RGS7: variants seen among roughly 807,000 people sequenced by gnomAD.
RGS7 encodes the protein regulator of G protein signaling 7.
A neutral mutation model predicts 81.1 loss-of-function variants in RGS7; 27 were observed. The observed-to-expected ratio is 0.33, with a 90% CI of 0.25 to 0.46. RGS7 has a LOEUF of 0.46. Ranked by LOEUF, RGS7 falls within the 20% of genes least tolerant of loss-of-function variation. The probability of loss-of-function intolerance (pLI) is 1.00; values close to 1 mark genes in which losing one functional copy is unlikely to be tolerated. For missense variants in RGS7, 396 were observed against 607.4 expected, an observed-to-expected ratio of 0.65 and a Z score of 3.66; for synonymous variants, 208 against 207.7, an observed-to-expected ratio of 1.00 and a Z score of -0.01.
chr1:241,165,212 A>G (rs1345543225), intron 2 of RGS7, among the ~76,000 whole-genome samples: 1 of 152,254 alleles, frequency 6.6e-6, no homozygotes, highest in Non-Finnish European at 1.5e-5. Flanking sequence ...TAGCATACAC[A>G]CATATGCATT....
intron 6 of RGS7, among the ~76,000 whole-genome samples, chr1:240,910,345 A>G (rs1480067778): frequency 6.6e-6 from 1 of 152,184 alleles, no homozygotes; most frequent in Non-Finnish European, 1.5e-5. Context: ...ACAGAAAGTT[A>G]AATAACGCAT....
intron 6 of RGS7, among the ~76,000 whole-genome samples, chr1:240,901,573 C>G (rs532247392): frequency 4.6e-5 from 7 of 152,296 alleles, no homozygotes; most frequent in South Asian, 2.1e-4. Flanking sequence ...TGACATCATA[C>G]TTACGCATAG....
intron 2 of RGS7, among the ~76,000 whole-genome samples, chr1:241,306,725 A>T (rs1333333186): frequency 6.6e-6 from 1 of 150,990 alleles, no homozygotes; most frequent in Non-Finnish European, 1.5e-5. Context: ...ATACCCTCAC[A>T]CACTTATGCA....
chr1:241,142,475 C>T (rs2067999917), intron 2 of RGS7, among the ~76,000 whole-genome samples: 1 of 152,228 alleles, frequency 6.6e-6, no homozygotes, highest in Non-Finnish European at 1.5e-5. Context: ...TTCTTGACTT[C>T]TGTGCACTCT....
At chr1:240,792,560 C>A (rs192176913) in intron 18 of RGS7, among the ~76,000 whole-genome samples, 30 of 152,172 alleles carry the variant, frequency 2.0e-4, no homozygotes, top group African/African-American at 7.0e-4. Flanking sequence ...TTTGCTCTGT[C>A]TCTCTCTCTC....
At chr1:240,992,080 G>T (rs1472046971) in intron 3 of RGS7, among the ~76,000 whole-genome samples, 1 of 152,188 alleles carries the variant, frequency 6.6e-6, no homozygotes, top group African/African-American at 2.4e-5. Context: ...TTCTTTATTA[G>T]CAGAGAGTAC....
intron 12 of RGS7, 46 bp downstream of exon 12, chr1:240,814,670 G>A (rs771191005): frequency 8.7e-7 from 1 of 1,144,476 alleles, no homozygotes; most frequent in Non-Finnish European, 1.3e-6. Context: ...ACATGTAATT[G>A]TCATATGAAA....
chr1:240,874,762 C>T (rs961567100), intron 6 of RGS7, among the ~76,000 whole-genome samples: 2 of 152,202 alleles, frequency 1.3e-5, no homozygotes, highest in East Asian at 1.9e-4. Context: ...TACTCTCGGC[C>T]GGGTGCAGTG....
chr1:240,959,498 A>G (rs967974405), intron 4 of RGS7, among the ~76,000 whole-genome samples: 1 of 152,226 alleles, frequency 6.6e-6, no homozygotes, highest in African/African-American at 2.4e-5. Flanking sequence ...AGAAAATGCA[A>G]TGCATTACTC....
chr1:240,853,676 C>A (rs1041315315), intron 9 of RGS7, among the ~76,000 whole-genome samples: 2 of 151,910 alleles, frequency 1.3e-5, no homozygotes, highest in African/African-American at 4.8e-5. Context: ...GAGGCCGAGG[C>A]GGGCTGATCA....
intron 10 of RGS7, among the ~76,000 whole-genome samples, chr1:240,826,402 G>A (rs571613975): frequency 1.3e-5 from 2 of 152,216 alleles, no homozygotes; most frequent in Non-Finnish European, 2.9e-5. Flanking sequence ...TGGAAAACAC[G>A]ATGGCTAACG....
intron 18 of RGS7, among the ~76,000 whole-genome samples, chr1:240,780,813 C>T (rs1388089511): frequency 6.6e-6 from 1 of 151,048 alleles, no homozygotes; most frequent in African/African-American, 2.4e-5. Context: ...ACTAAGGAGG[C>T]CGAGGCAGGA....
chr1:241,302,115 C>G (rs970834764), intron 2 of RGS7, among the ~76,000 whole-genome samples: 2 of 152,146 alleles, frequency 1.3e-5, no homozygotes, highest in Admixed American at 6.5e-5. Flanking sequence ...CATGGTTTAT[C>G]TGGGGGAAAG....
intron 4 of RGS7, among the ~76,000 whole-genome samples, chr1:240,939,807 A>C (rs1297225077): frequency 6.6e-6 from 1 of 152,166 alleles, no homozygotes; most frequent in African/African-American, 2.4e-5. Flanking sequence ...GCGGTGGCTC[A>C]TGCCTGTAAT....
At chr1:240,975,796 A>G (rs780233636) in intron 4 of RGS7, among the ~76,000 whole-genome samples, 8 of 152,268 alleles carry the variant, frequency 5.3e-5, no homozygotes, top group Admixed American at 1.3e-4. Context: ...TGCAAACTCA[A>G]CCCGAAGGAT....
intron 18 of RGS7, among the ~76,000 whole-genome samples, chr1:240,776,925 C>T (rs754525607): frequency 2.6e-5 from 4 of 152,172 alleles, no homozygotes; most frequent in Non-Finnish European, 4.4e-5. Context: ...CATATGATTA[C>T]ATAAAGCACA....
intron 3 of RGS7, among the ~76,000 whole-genome samples, chr1:241,004,115 G>A (rs1476004662): frequency 1.3e-5 from 2 of 152,166 alleles, no homozygotes; most frequent in Non-Finnish European, 2.9e-5. Context: ...GGACTTCACC[G>A]CCTACTAAGG....
intron 14 of RGS7, among the ~76,000 whole-genome samples, chr1:240,810,048 T>C (rs1215301063): frequency 6.6e-6 from 1 of 152,182 alleles, no homozygotes; most frequent in African/African-American, 2.4e-5. Context: ...TATCCTCTTT[T>C]TCCAAAGGCA....
intron 2 of RGS7, among the ~76,000 whole-genome samples, chr1:241,154,688 T>A (rs1165818185): frequency 6.6e-6 from 1 of 152,190 alleles, no homozygotes; most frequent in Non-Finnish European, 1.5e-5. Flanking sequence ...TTACAGGTGC[T>A]AAAATCTGAA....
Sources: allele counts gnomAD v4.1 joint callset (sites outside exome capture counted in the v4.1 genomes callset), GRCh38; gene constraint gnomAD v4.1.1; transcripts MANE v1.5; gene names NCBI Gene and HGNC (gene_info 2026-07-23, HGNC 2026-07-21).